DOCK2: variants seen among roughly 807,000 people sequenced by gnomAD.
DOCK2 encodes the protein dedicator of cytokinesis protein 2.
Under a neutral mutation model 248.9 loss-of-function variants are expected in DOCK2, and 87 were observed. The ratio of observed to expected loss-of-function variants is 0.35; its 90% CI spans 0.29 to 0.42. DOCK2 has a LOEUF of 0.42. DOCK2 is among the 10% of genes least tolerant of loss of function. The probability of loss-of-function intolerance (pLI) is 1.00; values close to 1 mark genes in which losing one functional copy is unlikely to be tolerated. For missense variants in DOCK2, 1,747 were observed against 2,300.2 expected, an observed-to-expected ratio of 0.76 and a Z score of 4.92; for synonymous variants, 805 against 821.6, an observed-to-expected ratio of 0.98 and a Z score of 0.35.
intron 25 of DOCK2, among the ~76,000 whole-genome samples, chr5:169,792,689 C>T (rs1318144538): frequency 1.3e-5 from 2 of 152,138 alleles, no homozygotes; most frequent in Non-Finnish European, 2.9e-5. Flanking sequence ...TTATTTGCTG[C>T]TCCTTTCATC....
At chr5:169,888,611 T>G (rs1009584179) in intron 27 of DOCK2, among the ~76,000 whole-genome samples, 3 of 152,206 alleles carry the variant, frequency 2.0e-5, no homozygotes, top group African/African-American at 7.2e-5. Context: ...CTCAGTATCT[T>G]TAGGCCATAC....
intron 29 of DOCK2, among the ~76,000 whole-genome samples, chr5:169,991,671 C>T (rs1250851241): frequency 6.6e-6 from 1 of 152,228 alleles, no homozygotes; most frequent in Non-Finnish European, 1.5e-5. Context: ...ATGATGCGGA[C>T]AAAGTGCGAA....
chr5:169,838,627 G>A (rs1561751168), intron 26 of DOCK2, among the ~76,000 whole-genome samples: 1 of 152,320 alleles, frequency 6.6e-6, no homozygotes, highest in East Asian at 1.9e-4. Flanking sequence ...CTGGCCTTGA[G>A]TGTCAGGAGT....
At chr5:170,032,027 CT>C (rs11362267) in intron 34 of DOCK2, among the ~76,000 whole-genome samples, 6,237 of 142,058 alleles carry the variant, frequency 0.044, 161 homozygotes, top group Middle Eastern at 0.12. Context: ...ACCAGTTGTT[CT>C]TTTTTTTTTT....
intron 26 of DOCK2, among the ~76,000 whole-genome samples, chr5:169,819,635 A>C (rs1401351201): frequency 6.6e-6 from 1 of 152,116 alleles, no homozygotes; most frequent in Non-Finnish European, 1.5e-5. Flanking sequence ...AAAACAAAAC[A>C]GATTGGGTTC....
intron 44 of DOCK2, among the ~76,000 whole-genome samples, chr5:170,064,676 G>A (rs1757434180): frequency 7.0e-6 from 1 of 141,876 alleles, no homozygotes; most frequent in South Asian, 2.2e-4. Flanking sequence ...GAGAGAGGGA[G>A]AAAGGAACAG....
chr5:170,029,312 AT>A (rs1756041025), intron 34 of DOCK2, among the ~76,000 whole-genome samples: 1 of 152,146 alleles, frequency 6.6e-6, no homozygotes, highest in East Asian at 1.9e-4. Context: ...TTTGAATTGC[AT>A]TTCCGCGATG....
intron 33 of DOCK2, among the ~76,000 whole-genome samples, chr5:170,026,234 G>A (rs138364077): frequency 1.7e-3 from 264 of 152,236 alleles, no homozygotes; most frequent in Admixed American, 3.3e-3. Flanking sequence ...ACTCCATGGA[G>A]CTCTATCCTT....
intron 27 of DOCK2, chr5:169,883,969 G>T: frequency 7.5e-7 from 1 of 1,340,014 alleles, no homozygotes; most frequent in East Asian, 2.5e-5. Flanking sequence ...CTTTGGAGCA[G>T]TATCTAATGA....
At chr5:169,941,228 T>C (rs1776232589) in intron 27 of DOCK2, among the ~76,000 whole-genome samples, 2 of 152,150 alleles carry the variant, frequency 1.3e-5, no homozygotes, top group Non-Finnish European at 2.9e-5. Flanking sequence ...TATTTTTTGA[T>C]GTGGAGTTTT....
At chr5:170,005,488 C>T (rs970750841) in intron 30 of DOCK2, among the ~76,000 whole-genome samples, 1 of 152,162 alleles carries the variant, frequency 6.6e-6, no homozygotes, top group African/African-American at 2.4e-5. Flanking sequence ...ACCACCACTG[C>T]ATTTACTGAG....
In DOCK2 at chr5:169,700,045, T is replaced by G. The variant is rs755783144; in HGVS notation, c.1164T>G (p.Gly388=). The G allele has an allele frequency of 6.8e-6, 11 of 1,613,856 alleles. No individual in the cohort carries two copies. The African/African-American group carries it at 1.5e-4, about 22-fold the overall frequency. ...GGGTGACCATGAAGATGCTGGTGGG[T>G]GACATCATTCAGATTCGCAAGGACT... ...GLWVTMKMLV[G]DIIQIRKDYP... is the part of the protein sequence containing the mutation. Residue 388 remains glycine, a synonymous_variant, in exon 13 of 52, where the codon GGT becomes GGG. Coordinates refer to ENST00000520908, the MANE Select transcript of DOCK2 (RefSeq NM_004946.3).
intron 9 of DOCK2, among the ~76,000 whole-genome samples, chr5:169,692,893 A>G (rs1760390552): frequency 6.6e-6 from 1 of 152,186 alleles, no homozygotes; most frequent in Non-Finnish European, 1.5e-5. Flanking sequence ...TAAGGACACC[A>G]GTCATACTGA....
rs1756252692 is a variant in DOCK2, at chr5:170,034,529, C to T, written c.3598C>T (p.Arg1200Cys). 5 of 1,614,128 alleles carry T rather than the reference C, an allele frequency of 3.1e-6. No homozygotes were observed. The highest frequency in any genetic ancestry group is 3.4e-6 in the Non-Finnish European group (4 of 1,180,010). The change falls in exon 35 of 52, where the codon CGC becomes TGC. Residue 1200 changes from arginine (R) to cysteine (C), a missense_variant. Coordinates refer to ENST00000520908, the MANE Select transcript of DOCK2 (RefSeq NM_004946.3). ...GATGACAGATGAGAGCAAAGACAAC[C>T]GCATGAGCTGCACCGTGAACCTGCT... ...GVMTDESKDN[R>C]MSCTVNLLNF...
chr5:169,646,768 C>A (rs977967282), intron 1 of DOCK2, among the ~76,000 whole-genome samples: 1 of 152,152 alleles, frequency 6.6e-6, no homozygotes, highest in South Asian at 2.1e-4. Flanking sequence ...AGGTCCCTGG[C>A]AAAATGTGCT....
At chr5:169,774,491 A>G (rs1484128705) in intron 25 of DOCK2, among the ~76,000 whole-genome samples, 1 of 152,196 alleles carries the variant, frequency 6.6e-6, no homozygotes, top group Non-Finnish European at 1.5e-5. Context: ...CAGCAGAGAC[A>G]CCATTCCAAC....
chr5:170,033,421 T>C (rs1756212962), intron 34 of DOCK2, among the ~76,000 whole-genome samples: 1 of 152,230 alleles, frequency 6.6e-6, no homozygotes, highest in Non-Finnish European at 1.5e-5. Context: ...ATGGAGGCTT[T>C]TCTTTCCTAT....
intron 26 of DOCK2, among the ~76,000 whole-genome samples, chr5:169,812,005 G>A (rs548554632): frequency 5.0e-4 from 76 of 152,168 alleles, no homozygotes; most frequent in Non-Finnish European, 8.1e-4. Context: ...CAGAGCAGGG[G>A]ATAAATTCTA....
At chr5:169,862,164 C>A (rs996713195) in intron 27 of DOCK2, among the ~76,000 whole-genome samples, 1 of 152,142 alleles carries the variant, frequency 6.6e-6, no homozygotes, top group Non-Finnish European at 1.5e-5. Context: ...TAATGTGGAA[C>A]GTGCTAAGAG....
Sources: allele counts gnomAD v4.1 joint callset (sites outside exome capture counted in the v4.1 genomes callset), GRCh38; gene constraint gnomAD v4.1.1; transcripts MANE v1.5; gene names NCBI Gene and HGNC (gene_info 2026-07-23, HGNC 2026-07-21).